The following TMEM132D variants were observed in gnomAD, a reference collection of about 807,000 sequenced individuals.
The protein encoded by TMEM132D is mature OL transmembrane protein.
A neutral mutation model predicts 62.3 loss-of-function variants in TMEM132D; 21 were observed. The observed-to-expected ratio is 0.34, with a 90% CI of 0.24 to 0.49. The LOEUF (loss-of-function observed/expected upper bound fraction) is 0.49. Among genes scored for constraint, TMEM132D ranks in the 20% least tolerant of loss-of-function variants. The pLI is 0.99. For missense variants in TMEM132D, 1,346 were observed against 1,402.8 expected, an observed-to-expected ratio of 0.96 and a Z score of 0.65; for synonymous variants, 621 against 575.6, an observed-to-expected ratio of 1.08 and a Z score of -1.13.
intron 1 of TMEM132D, among the ~76,000 whole-genome samples, chr12:129,767,399 G>A (rs1870586252): frequency 6.6e-6 from 1 of 152,138 alleles, no homozygotes; most frequent in South Asian, 2.1e-4. Context: ...TTTCCCTACA[G>A]TATATTCATA....
intron 2 of TMEM132D, among the ~76,000 whole-genome samples, chr12:129,691,795 G>A (rs654234): frequency 3.3e-5 from 5 of 151,460 alleles, no homozygotes; most frequent in South Asian, 4.2e-4. Flanking sequence ...AAACAACTCC[G>A]CTCAAAAAAT....
chr12:129,141,018 G>A (rs1489705260), intron 5 of TMEM132D, among the ~76,000 whole-genome samples: 1 of 152,140 alleles, frequency 6.6e-6, no homozygotes. Flanking sequence ...TAATATTAAA[G>A]GCCCTGCATT....
intron 3 of TMEM132D, among the ~76,000 whole-genome samples, chr12:129,525,876 A>T (rs1295730591): frequency 6.6e-6 from 1 of 152,212 alleles, no homozygotes; most frequent in Non-Finnish European, 1.5e-5. Flanking sequence ...GAGGATATGG[A>T]AACTATTTAA....
chr12:129,084,800 G>A, intron 5 of TMEM132D, 98 bp from the exon 6 acceptor site: 1 of 1,195,412 alleles, frequency 8.4e-7, no homozygotes, highest in Non-Finnish European at 1.2e-6. Context: ...GGCTGGTGGA[G>A]GTGCTTCCCT....
rs148212425 is a variant in TMEM132D, at chr12:129,607,741, A to C, written c.969-76536T>G. Reference sequence around the variant, plus strand: ...TGAACAGAGACCAATTCCAAAATGAAGACGTATTTTTAAATGCCTTTTTCT... The same window carrying C: ...TGAACAGAGACCAATTCCAAAATGACGACGTATTTTTAAATGCCTTTTTCT... On this transcript the variant is annotated intron_variant, in intron 2 of 8. Coordinates refer to ENST00000422113, the MANE Select transcript of TMEM132D (RefSeq NM_133448.3). Among the ~76,000 whole-genome samples, 92 of 152,312 alleles carry C rather than the reference A, an allele frequency of 6.0e-4. 1 individual carries two copies. The East Asian group carries it at 0.016, about 27-fold the overall frequency.
At chr12:129,649,140 G>A (rs1265317780) in intron 2 of TMEM132D, among the ~76,000 whole-genome samples, 1 of 152,134 alleles carries the variant, frequency 6.6e-6, no homozygotes, top group East Asian at 1.9e-4. Flanking sequence ...CTTCGCTCAA[G>A]TCACTCCATA....
intron 5 of TMEM132D, among the ~76,000 whole-genome samples, chr12:129,199,488 A>T (rs1480883689): frequency 6.6e-6 from 1 of 152,222 alleles, no homozygotes; most frequent in African/African-American, 2.4e-5. Flanking sequence ...AAACAGATTG[A>T]CATAGCAGAA....
chr12:129,519,752 G>T (rs1875796478), intron 3 of TMEM132D, among the ~76,000 whole-genome samples: 1 of 151,880 alleles, frequency 6.6e-6, no homozygotes, highest in South Asian at 2.1e-4. Context: ...GGGATTACAG[G>T]TGCCCACCAC....
At chr12:129,394,539 A>G (rs1002201160) in intron 3 of TMEM132D, among the ~76,000 whole-genome samples, 7 of 152,220 alleles carry the variant, frequency 4.6e-5, no homozygotes, top group African/African-American at 1.7e-4. Context: ...GAGAGGTAGA[A>G]TAAAGAACTC....
At chr12:129,433,770 G>C (rs1036016892) in intron 3 of TMEM132D, among the ~76,000 whole-genome samples, 2 of 152,134 alleles carry the variant, frequency 1.3e-5, no homozygotes, top group East Asian at 1.9e-4. Flanking sequence ...GAAACCCCAC[G>C]AAGGGATGCC....
intron 2 of TMEM132D, among the ~76,000 whole-genome samples, chr12:129,570,414 CT>C (rs144786483): frequency 6.6e-6 from 1 of 152,112 alleles, no homozygotes; most frequent in Non-Finnish European, 1.5e-5. Context: ...GTGCAGAAAG[CT>C]TTTTTAAGAG....
intron 2 of TMEM132D, among the ~76,000 whole-genome samples, chr12:129,602,547 A>G (rs759876382): frequency 1.2e-4 from 18 of 152,172 alleles, no homozygotes; most frequent in Non-Finnish European, 5.9e-5. Context: ...TATCCCATCC[A>G]ACTCCGGTGG....
chr12:129,836,318 AC>A (rs77455537), intron 1 of TMEM132D, among the ~76,000 whole-genome samples: 30,753 of 152,072 alleles, frequency 0.2, 3,892 homozygotes, highest in South Asian at 0.35. Context: ...ACCTCTGCAG[AC>A]ATTTGGAGCT....
intron 1 of TMEM132D, among the ~76,000 whole-genome samples, chr12:129,860,260 T>C (rs1473396131): frequency 2.0e-5 from 3 of 152,214 alleles, no homozygotes; most frequent in Non-Finnish European, 4.4e-5. Context: ...TTCAAAATCA[T>C]GCTAGAACAT....
intron 5 of TMEM132D, among the ~76,000 whole-genome samples, chr12:129,186,828 A>C (rs751910872): frequency 1.3e-5 from 2 of 152,222 alleles, no homozygotes; most frequent in African/African-American, 4.8e-5. Flanking sequence ...GAAAGTGACA[A>C]TTCCATTTTT....
intron 7 of TMEM132D, among the ~76,000 whole-genome samples, chr12:129,081,406 C>A (rs902860076): frequency 1.2e-4 from 19 of 152,160 alleles, no homozygotes; most frequent in Non-Finnish European, 2.2e-4. Context: ...CCGAGCGATC[C>A]TTGCACCTCA....
At chr12:129,600,754 A>G (rs1425083819) in intron 2 of TMEM132D, among the ~76,000 whole-genome samples, 1 of 152,208 alleles carries the variant, frequency 6.6e-6, no homozygotes, top group African/African-American at 2.4e-5. Flanking sequence ...TCTGAGCAAC[A>G]GATCTCAACA....
intron 2 of TMEM132D, among the ~76,000 whole-genome samples, chr12:129,665,444 G>A (rs780852636): frequency 3.3e-5 from 5 of 151,972 alleles, no homozygotes; most frequent in Non-Finnish European, 5.9e-5. Flanking sequence ...GGGCAAAGAC[G>A]AAACCAGACA....
chr12:129,577,227 G>A (rs1250923485), intron 2 of TMEM132D, among the ~76,000 whole-genome samples: 1 of 151,726 alleles, frequency 6.6e-6, no homozygotes, highest in Non-Finnish European at 1.5e-5. Flanking sequence ...CAGCACACAG[G>A]GATTTAAGCA....
Sources: allele counts gnomAD v4.1 joint callset (sites outside exome capture counted in the v4.1 genomes callset), GRCh38; gene constraint gnomAD v4.1.1; transcripts MANE v1.5; gene names NCBI Gene and HGNC (gene_info 2026-07-23, HGNC 2026-07-21).